The following PLEKHA8 variants were observed in gnomAD, a reference collection of about 807,000 sequenced individuals.
PLEKHA8 encodes pleckstrin homology domain-containing family A member 8.
PLEKHA8 carries 36 observed loss-of-function variants against 68.2 expected under a neutral mutation model. The observed-to-expected ratio is 0.53, with a 90% CI of 0.40 to 0.70. The LOEUF (loss-of-function observed/expected upper bound fraction) is 0.70. PLEKHA8 is among the 30% of genes least tolerant of loss of function. The probability of loss-of-function intolerance (pLI) is 0.00; values close to 1 mark genes in which losing one functional copy is unlikely to be tolerated. For missense variants in PLEKHA8, 505 were observed against 615.4 expected (o/e 0.82, Z 1.90); for synonymous variants, 211 against 216.1 (o/e 0.98, Z 0.20).
downstream of PLEKHA8, among the ~76,000 whole-genome samples, chr7:30,093,676 G>A (rs889344777): frequency 3.3e-5 from 5 of 152,170 alleles, no homozygotes; most frequent in South Asian, 6.2e-4. Flanking sequence ...GATGTAAATC[G>A]CCTGGCATGT....
chr7:30,083,405 C>T lies in PLEKHA8; in HGVS notation c.*4618C>T. Reference sequence around the variant, plus strand: ...ACAACGTCATTAGGAGTTCTTTCAACAATTCCATAAATATACTGTTTACTA... The same window carrying T: ...ACAACGTCATTAGGAGTTCTTTCAATAATTCCATAAATATACTGTTTACTA... On this transcript the variant is annotated 3_prime_UTR_variant, in exon 14 of 14. Coordinates refer to ENST00000449726, the MANE Select transcript of PLEKHA8 (RefSeq NM_001197026.2). The T allele has an allele frequency of 1.0e-6, 1 of 984,714 alleles. No homozygotes were observed. The highest frequency in any genetic ancestry group is 1.7e-5 in the African/African-American group (1 of 57,342). 61.0% of individuals were successfully genotyped at this position (984,714 alleles called of 1,614,324 possible).
At chr7:30,056,310 C>CTATATATATATA (rs1162112994) in intron 9 of PLEKHA8, among the ~76,000 whole-genome samples, 11 of 72,188 alleles carry the variant, frequency 1.5e-4, no homozygotes, top group East Asian at 1.1e-3. Flanking sequence ...CTCTCTCTCT[C>CTATATATATATA]TCTATATATA....
chr7:30,097,659 C>T (rs1795672356), intron 13 of PLEKHA8, among the ~76,000 whole-genome samples: 1 of 152,196 alleles, frequency 6.6e-6, no homozygotes, highest in Admixed American at 6.5e-5. Context: ...AGTTCTCGTG[C>T]CGTGGTTTTC....
chr7:30,056,341 A>C (rs948812699), intron 9 of PLEKHA8, among the ~76,000 whole-genome samples: 23 of 127,514 alleles, frequency 1.8e-4, no homozygotes, highest in African/African-American at 5.3e-4. Flanking sequence ...TAAATAACAT[A>C]TATATAATAT....
At chr7:30,051,398 T>TG (rs1001690641) in intron 6 of PLEKHA8, among the ~76,000 whole-genome samples, 33 of 150,082 alleles carry the variant, frequency 2.2e-4, no homozygotes, top group African/African-American at 7.3e-4. Flanking sequence ...GAAATATGGT[T>TG]TTTTTTTTTT....
At chr7:30,092,783 G>C (rs1365242644), downstream of PLEKHA8, among the ~76,000 whole-genome samples, 1 of 152,164 alleles carries the variant, frequency 6.6e-6, no homozygotes, top group African/African-American at 2.4e-5. Context: ...GGACTTCCCT[G>C]GGACTATGTA....
intron 13 of PLEKHA8, among the ~76,000 whole-genome samples, chr7:30,126,232 C>T (rs1248347097): frequency 5.3e-5 from 8 of 151,886 alleles, no homozygotes; most frequent in Admixed American, 3.3e-4. Flanking sequence ...CCAAGAAAGA[C>T]AGTCTCAGAG....
downstream of PLEKHA8, chr7:30,129,590 A>G (rs1310642928): frequency 4.6e-6 from 2 of 437,122 alleles, no homozygotes; most frequent in Non-Finnish European, 8.3e-6. Context: ...TTCTACATGC[A>G]TTATAGACCA....
At chr7:30,086,614 GC>G (rs1264896848), downstream of PLEKHA8, among the ~76,000 whole-genome samples, 1 of 151,494 alleles carries the variant, frequency 6.6e-6, no homozygotes, top group East Asian at 1.9e-4. Context: ...CATGCCACTT[GC>G]TATTACTCCA....
intron 13 of PLEKHA8, among the ~76,000 whole-genome samples, chr7:30,103,311 G>A (rs1261613268): frequency 6.6e-6 from 1 of 152,146 alleles, no homozygotes. Flanking sequence ...CATGAATTGT[G>A]CACTTTGAAT....
At chr7:30,074,956 G>A (rs1455500087) in intron 13 of PLEKHA8, 1 of 152,108 alleles carries the variant, frequency 6.6e-6, no homozygotes, top group African/African-American at 2.4e-5. Flanking sequence ...AATACACTCT[G>A]TGATTCTTCC....
chr7:30,035,224 C>T (rs1435958595), intron 1 of PLEKHA8, among the ~76,000 whole-genome samples: 1 of 152,188 alleles, frequency 6.6e-6, no homozygotes, highest in Non-Finnish European at 1.5e-5. Context: ...GAGCAAGTTA[C>T]TTAATCTTCC....
rs1156625451 is a variant in PLEKHA8, at chr7:30,078,763, G to T, written c.1536G>T (p.Gly512=). ...AILDTLYEVH[G]LESDEVV ...TGGACACTTTATATGAGGTCCACGG[G>T]CTGGAATCTGATGAGGTGGTATGAT... Residue 512 remains glycine (G), a synonymous_variant, in exon 14 of 14, where the codon GGG becomes GGT. Transcript: ENST00000449726. 3.7e-6 allele frequency: 6 copies of T among 1,613,592 alleles called. No individual in the cohort carries two copies. Among genetic ancestry groups the T allele is most frequent in the South Asian group, 1.1e-5 (1 of 91,064 alleles).
intron 13 of PLEKHA8, among the ~76,000 whole-genome samples, chr7:30,114,130 C>T (rs571527789): frequency 6.6e-6 from 1 of 152,104 alleles, no homozygotes; most frequent in Non-Finnish European, 1.5e-5. Flanking sequence ...AACTCCTGAC[C>T]TCATGTTATC....
chr7:30,117,289 A>G (rs1369631850), intron 13 of PLEKHA8, among the ~76,000 whole-genome samples: 2 of 152,192 alleles, frequency 1.3e-5, no homozygotes, highest in South Asian at 2.1e-4. Context: ...AGTTAGCACT[A>G]TACAATGTCT....
At chr7:30,040,805 C>T (rs1791472836) in intron 1 of PLEKHA8, among the ~76,000 whole-genome samples, 1 of 152,168 alleles carries the variant, frequency 6.6e-6, no homozygotes, top group Non-Finnish European at 1.5e-5. Flanking sequence ...CTAAAACTCT[C>T]CCCTGCTCAT....
chr7:30,061,983 C>T lies in PLEKHA8; in HGVS notation c.1185C>T (p.Ala395=), dbSNP rs1793477657. The T allele has an allele frequency of 1.9e-6, 3 of 1,613,702 alleles. No individual in the cohort carries two copies. The highest frequency in any genetic ancestry group is 2.5e-6 in the Non-Finnish European group (3 of 1,179,908). The part of the protein sequence containing the change: ...IVLHEVEADV[A]QVRNSATEAL... Reference sequence around the variant, plus strand: ...TGCACGAAGTGGAGGCGGATGTAGCCCAGGTTAGGAACTCAGCGACTGAAG... The same window carrying T: ...TGCACGAAGTGGAGGCGGATGTAGCTCAGGTTAGGAACTCAGCGACTGAAG... Residue 395 remains alanine, a synonymous_variant, in exon 11 of 14, where the codon GCC becomes GCT. Transcript: ENST00000449726.
chr7:30,123,247 A>C (rs1796721869), intron 13 of PLEKHA8, among the ~76,000 whole-genome samples: 1 of 152,266 alleles, frequency 6.6e-6, no homozygotes, highest in African/African-American at 2.4e-5. Context: ...AGTAATGTCC[A>C]AGGAAGTTAA....
chr7:30,074,240 A>G (rs991367559), intron 13 of PLEKHA8, 108 bp downstream of exon 13: 60 of 893,258 alleles, frequency 6.7e-5, no homozygotes, highest in Non-Finnish European at 9.1e-5. Flanking sequence ...ATTGTCAGAA[A>G]CAAAGTTGTG....
Sources: gnomAD v4.1 joint callset for allele counts (sites outside exome capture counted in the v4.1 genomes callset) on GRCh38, gnomAD v4.1.1 for gene constraint, MANE v1.5 for transcripts, NCBI Gene and HGNC (gene_info 2026-07-23, HGNC 2026-07-21) for gene names.